Variants in COL4A3 observed in about 807,000 individuals in gnomAD.
COL4A3 encodes collagen type IV alpha 3 chain, also known as collagen alpha-3(IV) chain.
A neutral mutation model predicts 217.4 loss-of-function variants in COL4A3; 135 were observed. The observed-to-expected ratio is 0.62, with a 90% CI of 0.54 to 0.72. The LOEUF (loss-of-function observed/expected upper bound fraction) is 0.72. Among genes scored for constraint, COL4A3 ranks in the 30% least tolerant of loss-of-function variants. The pLI is 0.00. For missense variants in COL4A3, 1,868 were observed against 2,119.9 expected, an observed-to-expected ratio of 0.88 and a Z score of 2.33; for synonymous variants, 690 against 736.3, an observed-to-expected ratio of 0.94 and a Z score of 1.02.
intron 1 of COL4A3, among the ~76,000 whole-genome samples, chr2:227,195,667 A>ATGTGTGTGTGTGTG (rs34242264): frequency 1.6e-3 from 220 of 139,976 alleles, no homozygotes; most frequent in African/African-American, 5.7e-3. Context: ...ATATATATAT[A>ATGTGTGTGTGTGTG]TGTGTGTGTG....
At chr2:227,251,113 T>C in intron 9 of COL4A3, 27 bp from the exon 10 acceptor site, 2 of 1,564,330 alleles carry the variant, frequency 1.3e-6, no homozygotes, top group Non-Finnish European at 1.8e-6. Context: ...AATTTAAACT[T>C]ACTCTTATTC....
intron 38 of COL4A3, 74 bp downstream of exon 38, chr2:227,293,391 A>G (rs2072871550): frequency 6.5e-7 from 1 of 1,530,016 alleles, no homozygotes; most frequent in Non-Finnish European, 8.9e-7. Flanking sequence ...TCATTGTGGT[A>G]AACAGAAAGC....
chr2:227,302,474 C>T (rs1369976432), intron 43 of COL4A3, among the ~76,000 whole-genome samples: 4 of 151,880 alleles, frequency 2.6e-5, no homozygotes, highest in African/African-American at 4.8e-5. Context: ...GTCAGGAGGT[C>T]GAGACCAGCT....
At chr2:227,301,570 T>G (rs1295350952) in intron 43 of COL4A3, among the ~76,000 whole-genome samples, 1 of 152,250 alleles carries the variant, frequency 6.6e-6, no homozygotes, top group Non-Finnish European at 1.5e-5. Flanking sequence ...ATTTGATCCA[T>G]GATTACATCT....
At position 227,270,843 on chromosome 2, in the gene COL4A3, TG is replaced by T; in HGVS notation, c.1652del (p.Gly551ValfsTer26). Reference protein sequence around the residue: ...KGETLQPEGQVGVPGDPGLRG... With the variant: ...KGETLQPEGQXGVPGDPGLRG... ...GAAACACTTCAGCCTGAGGGGCAAG[TG>T]GGTGTCCCAGGTGACCCGGGGCTCA... On this transcript the variant is annotated frameshift_variant, in exon 25 of 52. Coordinates refer to ENST00000396578, the MANE Select transcript of COL4A3 (RefSeq NM_000091.5). LOFTEE classifies it high-confidence loss of function. The T allele has an allele frequency of 6.2e-7, 1 of 1,614,008 alleles. No individual in the cohort carries two copies.
intron 1 of COL4A3, among the ~76,000 whole-genome samples, chr2:227,186,516 G>A (rs1283626034): frequency 6.6e-6 from 1 of 152,180 alleles, no homozygotes; most frequent in Non-Finnish European, 1.5e-5. Context: ...GAATTTGGTT[G>A]ACCTGAAATT....
chr2:227,243,015 T>C (rs2069117154), intron 3 of COL4A3, among the ~76,000 whole-genome samples: 1 of 152,234 alleles, frequency 6.6e-6, no homozygotes, highest in Admixed American at 6.5e-5. Context: ...CTTCCATTTC[T>C]ATTGGTAGAA....
intron 43 of COL4A3, among the ~76,000 whole-genome samples, chr2:227,299,177 C>T (rs766570192): frequency 1.3e-5 from 2 of 152,104 alleles, no homozygotes; most frequent in South Asian, 2.1e-4. Context: ...GGGCGGATCA[C>T]GAGGTCAGGA....
rs1423146761 is a variant in COL4A3 at position 227,202,758 on chromosome 2, T to A, written c.88-35210T>A. 2.2e-5 allele frequency among the ~76,000 whole-genome samples: 3 copies of A among 136,890 alleles called. 1 individual carries two copies. Among genetic ancestry groups the A allele is most frequent in the African/African-American group, 7.9e-5 (3 of 38,104 alleles). 89.8% of individuals were successfully genotyped at this position (136,890 alleles called of 152,430 possible). A position where few individuals can be genotyped will look rare whatever the true frequency, so the allele number is the denominator to read the frequency against. On this transcript the variant is annotated intron_variant, in intron 1 of 51. Transcript: ENST00000396578. ...TCTAAAAAAAAAAAATATATATATA[T>A]ATATATATATATATCACATATATAT...
chr2:227,291,562 C>CAAAAAAAAAAAAAAAAA (rs869289707), intron 37 of COL4A3, among the ~76,000 whole-genome samples: 1 of 34,416 alleles, frequency 2.9e-5, no homozygotes, highest in African/African-American at 1.8e-4. Context: ...GACTCCGTCT[C>CAAAAAAAAAAAAAAAAA]AAAAAAAAAA....
chr2:227,209,209 G>A (rs1309677831), intron 1 of COL4A3, among the ~76,000 whole-genome samples: 1 of 152,140 alleles, frequency 6.6e-6, no homozygotes, highest in African/African-American at 2.4e-5. Flanking sequence ...GATAATCTTG[G>A]GGATTCCCTA....
chr2:227,305,135 A>G, intron 47 of COL4A3, 52 bp downstream of exon 47: 1 of 1,531,730 alleles, frequency 6.5e-7, no homozygotes, highest in Non-Finnish European at 9.0e-7. Flanking sequence ...CGACATACAG[A>G]GAAGTCTTGT....
rs2073838377 is a variant in COL4A3 at position 227,314,477 on chromosome 2, A to G, written c.*2607A>G. The G allele has an allele frequency of 6.6e-6, 1 of 152,636 alleles. No homozygotes were observed. The highest frequency in any genetic ancestry group is 2.1e-4 in the South Asian group (1 of 4,832). 9.5% of individuals were successfully genotyped at this position (152,636 alleles called of 1,614,324 possible). A position where few individuals can be genotyped will look rare whatever the true frequency, so the allele number is the denominator to read the frequency against. ...CTTTGGAATTTCACAGCGTGCTAAA[A>G]TAACAGATTTCTCAGAAGTCTTTCA... On this transcript the variant is annotated 3_prime_UTR_variant, in exon 52 of 52. Coordinates refer to ENST00000396578, the MANE Select transcript of COL4A3 (RefSeq NM_000091.5).
chr2:227,252,068 C>CAAA (rs796320850), intron 11 of COL4A3, among the ~76,000 whole-genome samples: 29 of 34,786 alleles, frequency 8.3e-4, no homozygotes, highest in African/African-American at 1.5e-3. Context: ...GGCACCATCT[C>CAAA]AAAAAAAAAA....
In COL4A3 at chr2:227,196,879, C is replaced by T. The variant is rs555936382; in HGVS notation, c.87+32066C>T. Among the ~76,000 whole-genome samples the T allele has an allele frequency of 4.7e-5, 7 of 150,090 alleles. No individual in the cohort carries two copies. The East Asian group carries it at 1.4e-3, about 29-fold the overall frequency. Reference sequence around the variant, plus strand: ...AGTAGGTCATGTGGTTTGGATGTGTCCCCACCCAAATCTCATCTTGAATTG... The same window carrying T: ...AGTAGGTCATGTGGTTTGGATGTGTTCCCACCCAAATCTCATCTTGAATTG... On this transcript the variant is annotated intron_variant, in intron 1 of 51. Transcript: ENST00000396578.
At chr2:227,269,491 G>C (rs2095205437) in intron 23 of COL4A3, among the ~76,000 whole-genome samples, 2 of 152,056 alleles carry the variant, frequency 1.3e-5, no homozygotes, top group South Asian at 4.1e-4. Context: ...ATCCAAAATA[G>C]TGTGTCTACG....
intron 25 of COL4A3, among the ~76,000 whole-genome samples, 193 bp from the exon 26 acceptor site, chr2:227,272,756 A>G (rs1288337423): frequency 2.6e-5 from 4 of 152,242 alleles, no homozygotes; most frequent in Non-Finnish European, 5.9e-5. Flanking sequence ...AAATGTTGCT[A>G]AACTCCAAAG....
intron 1 of COL4A3, chr2:227,237,767 T>C: frequency 2.0e-6 from 1 of 509,660 alleles, no homozygotes. Context: ...TTCTCCCTTA[T>C]GCAACATGTT....
At position 227,298,873 on chromosome 2, in the gene COL4A3, A is replaced by T. The variant is rs2073153821; in HGVS notation, c.3882+61A>T. On this transcript the variant is annotated intron_variant, in intron 43 of 51. Transcript: ENST00000396578. ...TCAATATCAACTTATAATTATTCTTATATTGTATATTATATCATATATTGT... is the reference window on the plus strand; with the variant it reads ...TCAATATCAACTTATAATTATTCTTTTATTGTATATTATATCATATATTGT... 4.9e-6 allele frequency: 7 copies of T among 1,415,522 alleles called. No individual in the cohort carries two copies. The Admixed American group carries it at 1.2e-4, about 24-fold the overall frequency. The allele number at this position is 1,415,522 out of a possible 1,614,324, so 87.7% of individuals were successfully genotyped here.
Sources: gnomAD v4.1 joint callset for allele counts (sites outside exome capture counted in the v4.1 genomes callset) on GRCh38, gnomAD v4.1.1 for gene constraint, MANE v1.5 for transcripts, NCBI Gene and HGNC (gene_info 2026-07-23, HGNC 2026-07-21) for gene names.